The following TAS2R1 variants were observed in gnomAD, a reference collection of about 807,000 sequenced individuals.
TAS2R1 encodes taste receptor type 2 member 1.
For synonymous variants in TAS2R1, 141 were observed against 134.2 expected (o/e 1.05, Z -0.35); for missense variants, 370 against 353.4 (o/e 1.05, Z -0.38).
At chr5:9,648,305 A>C (rs1037581343) in intron 2 of TAS2R1, among the ~76,000 whole-genome samples, 6 of 152,204 alleles carry the variant, frequency 3.9e-5, no homozygotes, top group African/African-American at 1.4e-4. Context: ...GCTTTTAAAT[A>C]GTTTTTAAAT....
chr5:9,746,815 A>G, the TAS2R1 span, among the ~76,000 whole-genome samples: 1 of 151,540 alleles, frequency 6.6e-6, no homozygotes, highest in South Asian at 2.1e-4. Flanking sequence ...TACCTAATGT[A>G]TGTGGGGCTT....
the TAS2R1 span, among the ~76,000 whole-genome samples, chr5:9,753,803 G>C: frequency 1.3e-5 from 2 of 152,130 alleles, no homozygotes; most frequent in African/African-American, 4.8e-5. Flanking sequence ...ATTAAATAGG[G>C]AATCGTTTCT....
At chr5:9,663,374 A>G (rs1401071685) in intron 1 of TAS2R1, among the ~76,000 whole-genome samples, 1 of 152,210 alleles carries the variant, frequency 6.6e-6, no homozygotes, top group Non-Finnish European at 1.5e-5. Flanking sequence ...TCTTATATTT[A>G]ATGTTAGAAT....
At chr5:9,888,244 A>G in the TAS2R1 span, among the ~76,000 whole-genome samples, 1 of 152,100 alleles carries the variant, frequency 6.6e-6, no homozygotes, top group Admixed American at 6.5e-5. Context: ...GGGAGCTGCC[A>G]TGGCCGCTGC....
chr5:9,874,659 G>C, the TAS2R1 span, among the ~76,000 whole-genome samples: 2 of 152,070 alleles, frequency 1.3e-5, no homozygotes, highest in Non-Finnish European at 1.5e-5. Context: ...ACTCATGTTA[G>C]GTGTGAATCC....
chr5:9,804,524 A>C, the TAS2R1 span, among the ~76,000 whole-genome samples: 1 of 152,204 alleles, frequency 6.6e-6, no homozygotes, highest in African/African-American at 2.4e-5. Context: ...ATTTAAGAAT[A>C]TCAAAATTAT....
chr5:9,822,795 A>AT, the TAS2R1 span, among the ~76,000 whole-genome samples: 1 of 152,126 alleles, frequency 6.6e-6, no homozygotes, highest in African/African-American at 2.4e-5. Context: ...ATAATCTGTG[A>AT]TTTTTAATCA....
At chr5:9,863,137 T>C in the TAS2R1 span, 1 of 152,130 alleles carries the variant, frequency 6.6e-6, no homozygotes, top group Non-Finnish European at 1.5e-5. Context: ...TATAATATCA[T>C]ATTAAATATG....
chr5:9,730,878 T>C, the TAS2R1 span, among the ~76,000 whole-genome samples: 2 of 152,206 alleles, frequency 1.3e-5, no homozygotes, highest in African/African-American at 4.8e-5. Context: ...GGCATTTCCC[T>C]TTTCTCTTGG....
the TAS2R1 span, among the ~76,000 whole-genome samples, chr5:9,729,673 C>T: frequency 3.3e-5 from 5 of 152,036 alleles, no homozygotes; most frequent in African/African-American, 1.2e-4. Flanking sequence ...CGCGTAAAAC[C>T]GGAGGCAGCA....
chr5:9,632,263 C>T (rs1281081496), upstream of TAS2R1, among the ~76,000 whole-genome samples: 3 of 152,268 alleles, frequency 2.0e-5, no homozygotes, highest in Admixed American at 6.5e-5. Flanking sequence ...AAAAGATATA[C>T]ATACTTTAAT....
chr5:9,696,819 G>A (rs568906576), intron 1 of TAS2R1, among the ~76,000 whole-genome samples: 1 of 151,868 alleles, frequency 6.6e-6, no homozygotes. Flanking sequence ...TTTGAGACCA[G>A]ACTGACCAAC....
At chr5:9,678,330 G>C (rs1740919652) in intron 1 of TAS2R1, among the ~76,000 whole-genome samples, 1 of 152,172 alleles carries the variant, frequency 6.6e-6, no homozygotes, top group African/African-American at 2.4e-5. Context: ...TATACTGTTG[G>C]TGGGAATGTA....
upstream of TAS2R1, among the ~76,000 whole-genome samples, chr5:9,635,094 G>A (rs191228986): frequency 1.3e-5 from 2 of 152,184 alleles, no homozygotes; most frequent in East Asian, 3.9e-4. Flanking sequence ...GTCCTAGATG[G>A]CTTTTATTAT....
chr5:9,719,800 A>C, the TAS2R1 span, among the ~76,000 whole-genome samples: 3,660 of 151,750 alleles, frequency 0.024, 131 homozygotes, highest in African/African-American at 0.081. Flanking sequence ...CGCCTGTAGT[A>C]CCAGCTACTC....
the TAS2R1 span, among the ~76,000 whole-genome samples, chr5:9,769,795 T>C: frequency 1.3e-5 from 2 of 152,226 alleles, no homozygotes; most frequent in South Asian, 2.1e-4. Context: ...TTTGAGCTCC[T>C]TGTATATTCT....
chr5:9,813,516 G>A, the TAS2R1 span, among the ~76,000 whole-genome samples: 1 of 152,172 alleles, frequency 6.6e-6, no homozygotes, highest in African/African-American at 2.4e-5. Context: ...CATGTGTTGA[G>A]TTTGGCAGGG....
At chr5:9,870,733 C>T in the TAS2R1 span, among the ~76,000 whole-genome samples, 2 of 152,080 alleles carry the variant, frequency 1.3e-5, no homozygotes, top group African/African-American at 4.8e-5. Context: ...AGTCCAATCC[C>T]CCAGAAAATG....
chr5:9,802,153 C>T, the TAS2R1 span, among the ~76,000 whole-genome samples: 1 of 152,174 alleles, frequency 6.6e-6, no homozygotes, highest in Admixed American at 6.5e-5. Flanking sequence ...AAAATACAAG[C>T]AAGGACCCTC....
Sources: gnomAD v4.1 joint callset for allele counts (sites outside exome capture counted in the v4.1 genomes callset) on GRCh38, gnomAD v4.1.1 for gene constraint, MANE v1.5 for transcripts, NCBI Gene and HGNC (gene_info 2026-07-23, HGNC 2026-07-21) for gene names.